TMCO5A: variants seen among roughly 807,000 people sequenced by gnomAD.
The protein encoded by TMCO5A is transmembrane and coiled-coil domains 5A.
TMCO5A carries 34 observed loss-of-function variants against 42.3 expected under a neutral mutation model. The observed-to-expected ratio is 0.80, with a 90% CI of 0.61 to 1.07. TMCO5A has a LOEUF of 1.07. Ranked by LOEUF, TMCO5A falls within the 50% of genes least tolerant of loss-of-function variation. The pLI, the probability that TMCO5A is intolerant of heterozygous loss-of-function variation, is 0.00. For synonymous variants in TMCO5A, 131 were observed against 115.6 expected (o/e 1.13, Z -0.86); for missense variants, 357 against 327.9 (o/e 1.09, Z -0.69).
chr15:37,957,373 G>C (rs2140807298), intron 11 of TMCO5A, among the ~76,000 whole-genome samples: 1 of 152,234 alleles, frequency 6.6e-6, no homozygotes, highest in East Asian at 1.9e-4. Context: ...TCCTTAAGCT[G>C]ATAAGCAACT....
rs113344852 is a variant in TMCO5A at position 37,961,329 on chromosome 15, T to C, written c.669-5296T>C. 9.3e-3 allele frequency among the ~76,000 whole-genome samples: 1,416 copies of C among 152,248 alleles called. 30 individuals carry two copies. Among genetic ancestry groups the C allele is most frequent in the African/African-American group, 0.033 (1,351 of 41,550 alleles). On this transcript the variant is annotated intron_variant, in intron 11 of 11. Transcript: ENST00000559502. The stretch of plus-strand genomic sequence containing the variant: ...TCCCCATATTACGTTTTTGTTTGCT[T>C]TGTCGAATATCAGTTGGCTATAAGT...
intron 11 of TMCO5A, among the ~76,000 whole-genome samples, chr15:37,957,687 T>G (rs958570787): frequency 6.6e-6 from 1 of 152,194 alleles, no homozygotes; most frequent in Non-Finnish European, 1.5e-5. Flanking sequence ...ACAGATTCAG[T>G]GCTATCCCTA....
the TMCO5A span, among the ~76,000 whole-genome samples, chr15:38,014,041 CTT>C: frequency 1.3e-5 from 2 of 152,170 alleles, no homozygotes; most frequent in African/African-American, 2.4e-5. Context: ...CATTATCTGA[CTT>C]TGTTCATTTT....
chr15:38,030,641 C>G, the TMCO5A span, among the ~76,000 whole-genome samples: 2 of 152,192 alleles, frequency 1.3e-5, no homozygotes, highest in Non-Finnish European at 2.9e-5. Flanking sequence ...CTCGACCTGA[C>G]GTGACCCTGA....
the TMCO5A span, among the ~76,000 whole-genome samples, chr15:38,012,128 A>AAAAAAAAAAG: frequency 6.6e-6 from 1 of 152,012 alleles, no homozygotes; most frequent in African/African-American, 2.4e-5. Flanking sequence ...CGTCTCAAAA[A>AAAAAAAAAAG]AAAAAGAAAA....
the TMCO5A span, among the ~76,000 whole-genome samples, chr15:38,008,482 C>T: frequency 6.6e-6 from 1 of 152,080 alleles, no homozygotes; most frequent in Non-Finnish European, 1.5e-5. Flanking sequence ...CTCTAGAACT[C>T]CTTCATTCAT....
chr15:37,991,278 T>G, the TMCO5A span, among the ~76,000 whole-genome samples: 1 of 152,158 alleles, frequency 6.6e-6, no homozygotes, highest in African/African-American at 2.4e-5. Flanking sequence ...GGACTCCTTT[T>G]AGTTTTTCTT....
chr15:38,028,749 A>G, the TMCO5A span, among the ~76,000 whole-genome samples: 1 of 152,170 alleles, frequency 6.6e-6, no homozygotes, highest in Non-Finnish European at 1.5e-5. Flanking sequence ...GAAAAGCAGC[A>G]ATGGTAGAAG....
At chr15:38,010,085 G>A in the TMCO5A span, among the ~76,000 whole-genome samples, 10 of 151,884 alleles carry the variant, frequency 6.6e-5, no homozygotes, top group Non-Finnish European at 1.0e-4. Context: ...TTATAAGAGG[G>A]AGGCAGGTCC....
chr15:37,974,560 T>C, the TMCO5A span, among the ~76,000 whole-genome samples: 1 of 152,196 alleles, frequency 6.6e-6, no homozygotes, highest in Non-Finnish European at 1.5e-5. Flanking sequence ...TTAGTAGCAG[T>C]CTCTGAGCGT....
downstream of TMCO5A, among the ~76,000 whole-genome samples, chr15:37,969,929 G>A (rs990482748): frequency 1.8e-4 from 28 of 152,088 alleles, no homozygotes; most frequent in Non-Finnish European, 3.1e-4. Context: ...ACCATTGATG[G>A]GCATTTAGGT....
the TMCO5A span, among the ~76,000 whole-genome samples, chr15:37,998,043 ATTG>A: frequency 6.6e-6 from 1 of 152,118 alleles, no homozygotes; most frequent in African/African-American, 2.4e-5. Flanking sequence ...TTTTAATCAG[ATTG>A]TTAAAATTTT....
the TMCO5A span, among the ~76,000 whole-genome samples, chr15:38,027,224 C>T: frequency 6.6e-6 from 1 of 152,126 alleles, no homozygotes; most frequent in Non-Finnish European, 1.5e-5. Flanking sequence ...AGGAGGGAGG[C>T]TATACCCTGC....
At chr15:38,032,032 C>T in the TMCO5A span, among the ~76,000 whole-genome samples, 74 of 151,858 alleles carry the variant, frequency 4.9e-4, no homozygotes, top group African/African-American at 1.7e-3. Flanking sequence ...CTCGGCTCAC[C>T]GCAACCTCTG....
the TMCO5A span, among the ~76,000 whole-genome samples, chr15:37,996,563 T>G: frequency 6.6e-6 from 1 of 152,216 alleles, no homozygotes; most frequent in Non-Finnish European, 1.5e-5. Context: ...TTAAGCATGC[T>G]AAATAGTGCT....
At chr15:37,966,503 C>A (rs989241066) in intron 11 of TMCO5A, 1 of 691,236 alleles carries the variant, frequency 1.4e-6, no homozygotes, top group Non-Finnish European at 2.6e-6. Context: ...AATATACACA[C>A]CTACTATGTA....
the TMCO5A span, among the ~76,000 whole-genome samples, chr15:37,983,461 G>A: frequency 1.3e-5 from 2 of 152,184 alleles, no homozygotes; most frequent in Admixed American, 6.5e-5. Context: ...GCAGATGGCT[G>A]GCCAGGGAGA....
chr15:37,937,360 G>T lies in TMCO5A; in HGVS notation c.279G>T (p.Lys93Asn), dbSNP rs765950029. 6.2e-7 allele frequency: 1 copy of T among 1,613,116 alleles called. No individual in the cohort carries two copies. The highest frequency in any genetic ancestry group is 2.2e-5 in the East Asian group (1 of 44,826). Residue 93 changes from lysine (K) to asparagine (N), a missense_variant, in exon 5 of 12, where the codon AAG (lysine) becomes AAT (asparagine). Lys to Asn is a moderately conservative substitution (Grantham distance 94, BLOSUM62 0). Coordinates refer to ENST00000319669, the MANE Select transcript of TMCO5A (RefSeq NM_152453.4). ...CTCTCTCACAGGAAAGGAAGAATAA[G>T]ACGTTGGTCCACAGTATAACAGAAC... ...EETARLERKN[K>N]TLVHSITELQ...
chr15:37,970,212 A>T (rs1006742147), downstream of TMCO5A, among the ~76,000 whole-genome samples: 1 of 152,176 alleles, frequency 6.6e-6, no homozygotes, highest in East Asian at 1.9e-4. Context: ...GGCTTATTGG[A>T]CTTACAGTTC....
Sources: allele counts gnomAD v4.1 joint callset (sites outside exome capture counted in the v4.1 genomes callset), GRCh38; gene constraint gnomAD v4.1.1; transcripts MANE v1.5; gene names NCBI Gene and HGNC (gene_info 2026-07-23, HGNC 2026-07-21).